Variants in POLDIP3 observed in about 807,000 individuals in gnomAD.
POLDIP3 encodes DNA polymerase delta interacting protein 3, also known as polymerase delta-interacting protein 3.
POLDIP3 carries 14 observed loss-of-function variants against 45.1 expected under a neutral mutation model. The observed-to-expected ratio is 0.31, with a 90% CI of 0.20 to 0.49. The LOEUF is 0.49. Ranked by LOEUF, POLDIP3 falls within the 20% of genes least tolerant of loss-of-function variation. The pLI, the probability that POLDIP3 is intolerant of heterozygous loss-of-function variation, is 0.99. For synonymous variants in POLDIP3, 223 were observed against 205.2 expected (o/e 1.09, Z -0.74); for missense variants, 511 against 538.8 (o/e 0.95, Z 0.51).
chr22:42,607,211 G>T (rs1926789087), intron 1 of POLDIP3, among the ~76,000 whole-genome samples: 1 of 152,172 alleles, frequency 6.6e-6, no homozygotes, highest in South Asian at 2.1e-4. Flanking sequence ...CAGCCTCCCT[G>T]CCTGATTCTC....
Position 42,585,419 on chromosome 22 carries a change from G to A in POLDIP3, c.*372C>T, listed in dbSNP as rs1468245610. ...CCCCTCGGCCCCTGGAAAAAGCAGGGTCCTTCAGACAGCCCCCACGCTGCA... is the reference window on the plus strand; with the variant it reads ...CCCCTCGGCCCCTGGAAAAAGCAGGATCCTTCAGACAGCCCCCACGCTGCA... On this transcript the variant is annotated 3_prime_UTR_variant, in exon 9 of 9. Coordinates refer to ENST00000252115, the MANE Select transcript of POLDIP3 (RefSeq NM_032311.5). 2.7e-6 allele frequency: 1 copy of A among 365,816 alleles called. No individual in the cohort carries two copies. Among genetic ancestry groups the A allele is most frequent in the East Asian group, 7.3e-5 (1 of 13,644 alleles). The allele number at this position is 365,816 out of a possible 1,614,324, so 22.7% of individuals were successfully genotyped here. A position where few individuals can be genotyped will look rare whatever the true frequency, so the allele number is the denominator to read the frequency against.
chr22:42,592,262 G>A (rs552327668), intron 6 of POLDIP3, among the ~76,000 whole-genome samples, 178 bp from the exon 7 acceptor site: 11 of 152,240 alleles, frequency 7.2e-5, no homozygotes, highest in Non-Finnish European at 1.2e-4. Flanking sequence ...CTTCAACACA[G>A]CACCAGATGA....
intron 1 of POLDIP3, among the ~76,000 whole-genome samples, chr22:42,607,956 G>A (rs1926863694): frequency 6.7e-6 from 1 of 150,344 alleles, no homozygotes; most frequent in Non-Finnish European, 1.5e-5. Flanking sequence ...CCCCCGCACA[G>A]CCAGCCGCCC....
chr22:42,598,871 G>C (rs894720988), intron 4 of POLDIP3, among the ~76,000 whole-genome samples: 13 of 152,194 alleles, frequency 8.5e-5, no homozygotes, highest in African/African-American at 3.1e-4. Context: ...GGACCTCCCT[G>C]ATGATCCCAG....
At chr22:42,586,178 C>A (rs574689124) in intron 8 of POLDIP3, among the ~76,000 whole-genome samples, 141 of 152,306 alleles carry the variant, frequency 9.3e-4, no homozygotes, top group Middle Eastern at 6.8e-3. Flanking sequence ...GCCACAGCCT[C>A]CTAAGGAGCT....
At position 42,592,043 on chromosome 22, in the gene POLDIP3, C is replaced by T. The variant is rs1925697764; in HGVS notation, c.933G>A (p.Leu311=). ...CVCGALKRAR[L]VHPGVAEVVF... ...CCACCTCCGCTACCCCAGGATGGAC[C>T]AGTCGAGCTCGCTTGAGGGCCCCAC... Residue 311 remains leucine (L), a synonymous_variant, in exon 7 of 9, where the codon CTG becomes CTA. Transcript: ENST00000252115. 1 of 1,614,096 alleles carries T rather than the reference C, an allele frequency of 6.2e-7. No individual in the cohort carries two copies. Among genetic ancestry groups the T allele is most frequent in the African/African-American group, 1.3e-5 (1 of 74,926 alleles).
At chr22:42,606,374 T>C (rs1179553252) in intron 1 of POLDIP3, among the ~76,000 whole-genome samples, 2 of 151,718 alleles carry the variant, frequency 1.3e-5, no homozygotes, top group Non-Finnish European at 2.9e-5. Context: ...TCACACCATG[T>C]AATCTCAGCA....
At chr22:42,601,829 T>A in intron 3 of POLDIP3, 141 bp downstream of exon 3, 1 of 1,032,352 alleles carries the variant, frequency 9.7e-7, no homozygotes, top group Non-Finnish European at 1.3e-6. Flanking sequence ...TAACCCTGCC[T>A]CCAATACTAC....
rs116931480 is a variant in POLDIP3, at chr22:42,596,062, G to C, written c.813+124C>G. 5,729 of 1,091,006 alleles carry C rather than the reference G, an allele frequency of 5.3e-3. 25 individuals are homozygous for C. Among genetic ancestry groups the C allele is most frequent in the Admixed American group, 8.1e-3 (356 of 44,172 alleles). The allele number at this position is 1,091,006 out of a possible 1,614,324, so 67.6% of individuals were successfully genotyped here. On this transcript the variant is annotated intron_variant, in intron 5 of 8. Transcript: ENST00000252115. ...GGTAAGAGTCCCTAGGTCTTGGTTT[G>C]CTCATCTGTAGAATGGGGGTGGCAA... is the stretch of plus-strand genomic sequence containing the variant.
chr22:42,603,243 G>T lies in POLDIP3; in HGVS notation c.60-83C>A, dbSNP rs1179027302. On this transcript the variant is annotated intron_variant, in intron 1 of 8. Coordinates refer to ENST00000252115, the MANE Select transcript of POLDIP3 (RefSeq NM_032311.5). ...GAAAGCGGAACTGTGGTAACACTGGGGACAGAGGAGGCCCTGGAGAATCAG... is the reference window on the plus strand; with the variant it reads ...GAAAGCGGAACTGTGGTAACACTGGTGACAGAGGAGGCCCTGGAGAATCAG... 4.2e-6 allele frequency: 6 copies of T among 1,430,376 alleles called. No homozygotes were observed. In the African/African-American group the frequency reaches 8.5e-5, roughly 20 times the overall value. 88.6% of individuals were successfully genotyped at this position (1,430,376 alleles called of 1,614,324 possible). A position where few individuals can be genotyped will look rare whatever the true frequency, so the allele number is the denominator to read the frequency against.
chr22:42,600,482 C>T (rs186603876), intron 3 of POLDIP3, among the ~76,000 whole-genome samples: 95 of 151,640 alleles, frequency 6.3e-4, no homozygotes, highest in African/African-American at 2.2e-3. Flanking sequence ...AACAATGAGC[C>T]GGGCATGGTG....
intron 7 of POLDIP3, among the ~76,000 whole-genome samples, chr22:42,591,310 A>G (rs940466191): frequency 2.6e-5 from 4 of 152,196 alleles, no homozygotes; most frequent in African/African-American, 9.6e-5. Context: ...TGACTCACCC[A>G]GGGGAGTTCA....
chr22:42,593,368 G>T (rs1264727239), intron 6 of POLDIP3, among the ~76,000 whole-genome samples: 6 of 152,106 alleles, frequency 3.9e-5, no homozygotes, highest in Non-Finnish European at 8.8e-5. Flanking sequence ...AGAGAAGCGA[G>T]GGTGATTATT....
intron 3 of POLDIP3, among the ~76,000 whole-genome samples, chr22:42,600,325 T>G (rs540797621): frequency 2.6e-5 from 4 of 152,272 alleles, no homozygotes; most frequent in Admixed American, 6.5e-5. Context: ...TGATACAAAA[T>G]TGGATAAGAA....
At chr22:42,599,968 C>A (rs1447446659) in intron 3 of POLDIP3, among the ~76,000 whole-genome samples, 175 bp from the exon 4 acceptor site, 1 of 152,144 alleles carries the variant, frequency 6.6e-6, no homozygotes, top group Non-Finnish European at 1.5e-5. Flanking sequence ...CAGGCTAACT[C>A]CCTGTCAGCA....
intron 1 of POLDIP3, among the ~76,000 whole-genome samples, chr22:42,607,827 C>G (rs1198476533): frequency 6.6e-6 from 1 of 151,720 alleles, no homozygotes; most frequent in East Asian, 1.9e-4. Context: ...AGGAGCTTCT[C>G]TGCCCGGCCA....
chr22:42,589,793 G>A (rs934590038), intron 7 of POLDIP3, among the ~76,000 whole-genome samples: 3 of 150,118 alleles, frequency 2.0e-5, no homozygotes, highest in Non-Finnish European at 3.0e-5. Context: ...GCAGTGAGCT[G>A]AGATCATGCC....
intron 8 of POLDIP3, among the ~76,000 whole-genome samples, chr22:42,587,284 G>C (rs1311015907): frequency 2.0e-5 from 3 of 152,156 alleles, no homozygotes; most frequent in African/African-American, 7.2e-5. Flanking sequence ...AGAAAGCTGA[G>C]AACGAGATCA....
intron 3 of POLDIP3, among the ~76,000 whole-genome samples, chr22:42,601,442 C>T (rs1926366101): frequency 6.6e-6 from 1 of 151,008 alleles, no homozygotes; most frequent in Non-Finnish European, 1.5e-5. Flanking sequence ...GCCTCTCTGC[C>T]CCCTATGCCT....
Sources: gnomAD v4.1 joint callset for allele counts (sites outside exome capture counted in the v4.1 genomes callset) on GRCh38, gnomAD v4.1.1 for gene constraint, MANE v1.5 for transcripts, NCBI Gene and HGNC (gene_info 2026-07-23, HGNC 2026-07-21) for gene names.